Variants in PCDHGB3 observed in about 807,000 individuals in gnomAD.
PCDHGB3 encodes protocadherin gamma-B3.
Under a neutral mutation model 59.2 loss-of-function variants are expected in PCDHGB3, and 40 were observed. The ratio of observed to expected loss-of-function variants is 0.68; its 90% CI spans 0.52 to 0.88. The LOEUF (loss-of-function observed/expected upper bound fraction) is 0.88, where lower values mean the gene tolerates loss of function less well. Among genes scored for constraint, PCDHGB3 ranks in the 40% least tolerant of loss-of-function variants. PCDHGB3 has a pLI of 0.00. For missense variants in PCDHGB3, 1,309 were observed against 1,187.9 expected, an observed-to-expected ratio of 1.10 and a Z score of -1.50; for synonymous variants, 581 against 503.6, an observed-to-expected ratio of 1.15 and a Z score of -2.06.
intron 1 of PCDHGB3, chr5:141,441,650 G>C (rs932742795): frequency 8.4e-6 from 2 of 238,510 alleles, no homozygotes; most frequent in African/African-American, 2.4e-5. Context: ...TGTGATTCTA[G>C]GTGTCCTTGA....
intron 1 of PCDHGB3, among the ~76,000 whole-genome samples, chr5:141,402,740 C>A (rs2094301178): frequency 6.6e-6 from 1 of 152,146 alleles, no homozygotes; most frequent in Non-Finnish European, 1.5e-5. Context: ...CGCTGTTGAT[C>A]AACTCTAAGC....
intron 1 of PCDHGB3, among the ~76,000 whole-genome samples, chr5:141,468,754 T>C (rs1205525962): frequency 6.6e-6 from 1 of 152,036 alleles, no homozygotes; most frequent in Admixed American, 6.6e-5. Flanking sequence ...TAGTCCCAGC[T>C]ACTCGGGAGG....
rs980196319 is a variant in PCDHGB3 at position 141,511,604 on chromosome 5, A to C, written c.*431A>C. 3 of 248,420 alleles carry C rather than the reference A, an allele frequency of 1.2e-5. No individual in the cohort carries two copies. Among genetic ancestry groups the C allele is most frequent in the African/African-American group, 6.6e-5 (3 of 45,596 alleles). The allele number at this position is 248,420 out of a possible 1,614,324, so 15.4% of individuals were successfully genotyped here. Reference sequence around the variant, plus strand: ...GGTGTTGAAGTACCAAGTAACCTACAAGCCTCCTAGTTCTGAAAAGTTGGA... The same window carrying C: ...GGTGTTGAAGTACCAAGTAACCTACCAGCCTCCTAGTTCTGAAAAGTTGGA... On this transcript the variant is annotated 3_prime_UTR_variant, in exon 4 of 4. Coordinates refer to ENST00000576222, the MANE Select transcript of PCDHGB3 (RefSeq NM_018924.5).
In PCDHGB3 at chr5:141,476,348, G is replaced by T. The variant is rs764669470; in HGVS notation, c.2416-18459G>T. On this transcript the variant is annotated intron_variant, in intron 1 of 3. Transcript: ENST00000576222. This position sits in a 1 kb window ranked among gnomAD's most constrained non-coding sequence, Gnocchi z 7.6. ...GTCTGGAGCTAGCCGAAGATTCTTTGAGGTGAACCGGGAGACCGGAGAGAT... is the reference window on the plus strand; with the variant it reads ...GTCTGGAGCTAGCCGAAGATTCTTTTAGGTGAACCGGGAGACCGGAGAGAT... 1 of 1,614,190 alleles carries T rather than the reference G, an allele frequency of 6.2e-7. No individual in the cohort carries two copies. The highest frequency in any genetic ancestry group is 8.5e-7 in the Non-Finnish European group (1 of 1,180,032).
At chr5:141,447,861 G>A (rs2098553733) in intron 1 of PCDHGB3, among the ~76,000 whole-genome samples, 1 of 152,120 alleles carries the variant, frequency 6.6e-6, no homozygotes, top group Non-Finnish European at 1.5e-5. Flanking sequence ...CGAGGTGGGT[G>A]AATCATCTGA....
chr5:141,405,435 T>C, intron 1 of PCDHGB3: 1 of 1,463,324 alleles, frequency 6.8e-7, no homozygotes, highest in Non-Finnish European at 9.3e-7. Context: ...TTGTTTTGTT[T>C]TTGAGACAGA....
At chr5:141,496,400 A>G (rs540108338) in intron 2 of PCDHGB3, among the ~76,000 whole-genome samples, 2 of 152,240 alleles carry the variant, frequency 1.3e-5, no homozygotes, top group East Asian at 3.9e-4. Flanking sequence ...TACCTCCTCA[A>G]TGGTTGAGTA....
At chr5:141,376,066 C>A in intron 1 of PCDHGB3, 1 of 1,613,396 alleles carries the variant, frequency 6.2e-7, no homozygotes, top group Non-Finnish European at 8.5e-7. Flanking sequence ...TCACGCTCAC[C>A]GTGGCCGTGG....
At chr5:141,434,128 G>A (rs1267483739) in intron 1 of PCDHGB3, among the ~76,000 whole-genome samples, 1 of 152,138 alleles carries the variant, frequency 6.6e-6, no homozygotes, top group Non-Finnish European at 1.5e-5. Flanking sequence ...ACTCCCTTTA[G>A]GCTGATTTCT....
intron 1 of PCDHGB3, chr5:141,400,587 C>T: frequency 6.2e-7 from 1 of 1,606,696 alleles, no homozygotes; most frequent in South Asian, 1.1e-5. Flanking sequence ...TTACATGAAA[C>T]TATCGTACAT....
chr5:141,500,294 C>T (rs755761935), intron 2 of PCDHGB3, among the ~76,000 whole-genome samples: 3 of 151,732 alleles, frequency 2.0e-5, no homozygotes, highest in Non-Finnish European at 2.9e-5. Flanking sequence ...CTGCAAGCTC[C>T]GCCTCCCAGG....
intron 3 of PCDHGB3, among the ~76,000 whole-genome samples, chr5:141,508,957 C>T (rs1242113190): frequency 6.6e-6 from 1 of 151,976 alleles, no homozygotes; most frequent in Non-Finnish European, 1.5e-5. Context: ...GAAATGTCAG[C>T]GGAATGAAAG....
chr5:141,370,874 T>A lies in PCDHGB3; in HGVS notation c.480T>A (p.Pro160=), dbSNP rs369229257. ...TTGCCCTGGAATCTGCGCAAGATCC[T>A]GATGTAGGTGTCAATTCGCTGCAGC... ...ATFALESAQD[P]DVGVNSLQQY... The change falls in exon 1 of 4, where the codon CCT becomes CCA. Residue 160 remains proline, a synonymous_variant. Transcript: ENST00000576222. 2 of 1,613,942 alleles carry A rather than the reference T, an allele frequency of 1.2e-6. No individual in the cohort carries two copies. The highest frequency in any genetic ancestry group is 2.7e-5 in the African/African-American group (2 of 74,936).
chr5:141,507,578 C>T (rs1268451710), intron 3 of PCDHGB3, among the ~76,000 whole-genome samples: 1 of 152,220 alleles, frequency 6.6e-6, no homozygotes, highest in East Asian at 1.9e-4. Context: ...GAGGAGATGC[C>T]AAGTTGGCCT....
At chr5:141,392,357 C>T (rs980934647) in intron 1 of PCDHGB3, 1 of 152,638 alleles carries the variant, frequency 6.6e-6, no homozygotes, top group Admixed American at 6.5e-5. Flanking sequence ...TAATCCGATG[C>T]TACAATCTGA....
At position 141,487,670 on chromosome 5, in the gene PCDHGB3, T is replaced by C. The variant is rs2099658277; in HGVS notation, c.2416-7137T>C. 2 of 1,612,302 alleles carry C rather than the reference T, an allele frequency of 1.2e-6. No homozygotes were observed. Among genetic ancestry groups the C allele is most frequent in the Non-Finnish European group, 1.7e-6 (2 of 1,179,082 alleles). On this transcript the variant is annotated intron_variant, in intron 1 of 3. Transcript: ENST00000576222. The surrounding 1 kb of genome is among the most constrained non-coding windows in gnomAD (Gnocchi z 5.0). The stretch of plus-strand genomic sequence containing the variant: ...TGAGGGTTATTCTGATCCAGGCATA[T>C]GGCTAGGCCATGTCCTAGAGAGTAC...
At chr5:141,400,227 C>A (rs760084071) in intron 1 of PCDHGB3, 2 of 1,614,052 alleles carry the variant, frequency 1.2e-6, no homozygotes, top group Non-Finnish European at 1.7e-6. Flanking sequence ...TGCTCTTCCT[C>A]CTGGCCGTGA....
intron 3 of PCDHGB3, among the ~76,000 whole-genome samples, chr5:141,507,802 T>G (rs886950696): frequency 6.6e-6 from 1 of 152,204 alleles, no homozygotes; most frequent in African/African-American, 2.4e-5. Context: ...GCCTGCGCCC[T>G]GGGGAACGGA....
intron 1 of PCDHGB3, chr5:141,403,630 G>A (rs2094436948): frequency 3.1e-6 from 5 of 1,613,786 alleles, no homozygotes; most frequent in Middle Eastern, 3.3e-4. Flanking sequence ...CCAGCACAGT[G>A]CGCATCCATG....
Sources: allele counts gnomAD v4.1 joint callset (sites outside exome capture counted in the v4.1 genomes callset), GRCh38; gene constraint gnomAD v4.1.1; non-coding constraint Gnocchi (gnomAD v3.1); transcripts MANE v1.5; gene names NCBI Gene and HGNC (gene_info 2026-07-23, HGNC 2026-07-21).